ARMC9: variants seen among roughly 807,000 people sequenced by gnomAD.
The protein encoded by ARMC9 is lisH domain-containing protein ARMC9.
In ARMC9, 94 loss-of-function variants were observed where a neutral mutation model predicts 107.0. The ratio of observed to expected loss-of-function variants is 0.88; its 90% CI spans 0.74 to 1.04. The LOEUF (loss-of-function observed/expected upper bound fraction) is 1.04. Among genes scored for constraint, ARMC9 ranks in the 50% least tolerant of loss-of-function variants. ARMC9 has a pLI of 0.00. For synonymous variants in ARMC9, 380 were observed against 396.9 expected (o/e 0.96, Z 0.51); for missense variants, 942 against 1,030.1 (o/e 0.91, Z 1.17).
chr2:231,338,330 TGCCTCA>T (rs201043086), intron 20 of ARMC9, among the ~76,000 whole-genome samples: 5,007 of 151,986 alleles, frequency 0.033, 118 homozygotes, highest in Middle Eastern at 0.054. Flanking sequence ...GCAATTCTCG[TGCCTCA>T]GCCTCAGCCT....
intron 19 of ARMC9, among the ~76,000 whole-genome samples, chr2:231,308,265 C>T (rs1304341648): frequency 1.3e-5 from 2 of 152,258 alleles, no homozygotes; most frequent in Non-Finnish European, 2.9e-5. Context: ...GTATTCCCCT[C>T]ACCCTTCTGC....
intron 1 of ARMC9, among the ~76,000 whole-genome samples, chr2:231,199,851 C>G (rs901789829): frequency 2.6e-5 from 4 of 151,996 alleles, no homozygotes; most frequent in Non-Finnish European, 5.9e-5. Flanking sequence ...GCAGACGCCA[C>G]CACGCCCGGC....
intron 21 of ARMC9, among the ~76,000 whole-genome samples, chr2:231,348,146 G>A (rs1181890012): frequency 6.6e-6 from 1 of 152,204 alleles, no homozygotes; most frequent in African/African-American, 2.4e-5. Context: ...TTGCTGATGT[G>A]ATTAAGTTAA....
chr2:231,238,950 A>G (rs1295751762), intron 8 of ARMC9, among the ~76,000 whole-genome samples: 2 of 152,204 alleles, frequency 1.3e-5, no homozygotes, highest in East Asian at 1.9e-4. Context: ...CTTCCCACGC[A>G]GTCCTGGGGG....
rs139975130 is a variant in ARMC9 at position 231,209,595 on chromosome 2, G to A, written c.177+1343G>A. Among the ~76,000 whole-genome samples the A allele has an allele frequency of 2.3e-4, 35 of 152,218 alleles. 2 individuals are homozygous for A. In the South Asian group the frequency reaches 3.9e-3, roughly 17 times the overall value. On this transcript the variant is annotated intron_variant, in intron 3 of 24. Transcript: ENST00000611582. ...CTGTTGCCCAGGCTGGAGTGCAGTG[G>A]CAGGATCTTGGCTTACTGCAACCCC... is the stretch of plus-strand genomic sequence containing the variant.
intron 7 of ARMC9, among the ~76,000 whole-genome samples, chr2:231,232,391 A>G (rs1408070130): frequency 6.6e-6 from 1 of 151,906 alleles, no homozygotes; most frequent in Non-Finnish European, 1.5e-5. Context: ...GAGAATCTTG[A>G]TAAATGATTT....
chr2:231,222,404 T>G (rs2034236500), intron 5 of ARMC9, among the ~76,000 whole-genome samples: 1 of 152,244 alleles, frequency 6.6e-6, no homozygotes, highest in Non-Finnish European at 1.5e-5. Flanking sequence ...TAGACTGTAC[T>G]GAACTATTTT....
chr2:231,322,932 T>C (rs995168506), intron 19 of ARMC9, among the ~76,000 whole-genome samples: 10 of 152,210 alleles, frequency 6.6e-5, no homozygotes, highest in Admixed American at 5.9e-4. Context: ...TCGTTTGGAA[T>C]TCACAAGCAG....
intron 20 of ARMC9, among the ~76,000 whole-genome samples, chr2:231,333,881 A>C (rs910279042): frequency 1.3e-5 from 2 of 152,246 alleles, no homozygotes; most frequent in Non-Finnish European, 2.9e-5. Flanking sequence ...CTCCCCGGCA[A>C]AATGCCATGG....
chr2:231,205,475 T>C (rs1375086276), intron 1 of ARMC9, among the ~76,000 whole-genome samples: 1 of 152,168 alleles, frequency 6.6e-6, no homozygotes, highest in African/African-American at 2.4e-5. Flanking sequence ...AATGGCATGG[T>C]TAACATTAGA....
At chr2:231,353,660 C>G (rs994682647) in intron 21 of ARMC9, among the ~76,000 whole-genome samples, 2 of 151,698 alleles carry the variant, frequency 1.3e-5, no homozygotes, top group Non-Finnish European at 2.9e-5. Context: ...TCCTGCCCAC[C>G]ACTGGCCTTC....
intron 17 of ARMC9, among the ~76,000 whole-genome samples, chr2:231,286,208 C>T (rs371321834): frequency 1.3e-5 from 2 of 151,992 alleles, no homozygotes; most frequent in Admixed American, 6.6e-5. Context: ...CTCCGCCTCC[C>T]GAGTTCAAGC....
At chr2:231,215,797 C>T (rs2033435565) in intron 4 of ARMC9, among the ~76,000 whole-genome samples, 1 of 152,178 alleles carries the variant, frequency 6.6e-6, no homozygotes, top group Non-Finnish European at 1.5e-5. Flanking sequence ...AGCAGCAGGA[C>T]CATACATTGT....
intron 15 of ARMC9, 104 bp from the exon 16 acceptor site, chr2:231,278,278 G>A: frequency 8.9e-7 from 1 of 1,121,696 alleles, no homozygotes; most frequent in Admixed American, 1.7e-5. Flanking sequence ...AGGTCATACA[G>A]CTCATGAGCA....
At position 231,363,184 on chromosome 2, in the gene ARMC9, T is replaced by C. The variant is rs563710348; in HGVS notation, c.2261+2301T>C. On this transcript the variant is annotated intron_variant, in intron 23 of 24. Coordinates refer to ENST00000611582, the MANE Select transcript of ARMC9 (RefSeq NM_001352754.2). ...GTGCAGGGCATCTGTGCTGTGCTTCTGCACCTGGCCTAGGTGGTTAGAGTA... is the reference window on the plus strand; with the variant it reads ...GTGCAGGGCATCTGTGCTGTGCTTCCGCACCTGGCCTAGGTGGTTAGAGTA... Among the ~76,000 whole-genome samples the C allele has an allele frequency of 2.6e-5, 4 of 152,382 alleles. No homozygotes were observed. In the East Asian group the frequency reaches 7.7e-4, roughly 29 times the overall value.
intron 6 of ARMC9, among the ~76,000 whole-genome samples, chr2:231,223,789 A>G (rs960095248): frequency 3.9e-5 from 6 of 152,186 alleles, no homozygotes; most frequent in African/African-American, 1.2e-4. Flanking sequence ...GGACTGATCT[A>G]CAGCTCTCGT....
At chr2:231,230,786 T>G (rs1225451057) in intron 7 of ARMC9, among the ~76,000 whole-genome samples, 1 of 152,234 alleles carries the variant, frequency 6.6e-6, no homozygotes, top group Non-Finnish European at 1.5e-5. Flanking sequence ...TATACTGTTG[T>G]TATACCATTT....
chr2:231,293,471 G>A (rs1011090171), intron 18 of ARMC9, among the ~76,000 whole-genome samples: 1 of 152,136 alleles, frequency 6.6e-6, no homozygotes, highest in African/African-American at 2.4e-5. Context: ...CTGTCTCCTT[G>A]TCTTCCCTCC....
intron 15 of ARMC9, 39 bp downstream of exon 15, chr2:231,276,814 A>G (rs2039803465): frequency 6.2e-7 from 1 of 1,608,724 alleles, no homozygotes; most frequent in Admixed American, 1.7e-5. Flanking sequence ...AAGAAGGGGA[A>G]GAGATCTTGA....
Sources: allele counts gnomAD v4.1 joint callset (sites outside exome capture counted in the v4.1 genomes callset), GRCh38; gene constraint gnomAD v4.1.1; transcripts MANE v1.5; gene names NCBI Gene and HGNC (gene_info 2026-07-23, HGNC 2026-07-21).